Variants in CLDN14 observed in about 807,000 individuals in gnomAD.
CLDN14 encodes claudin 14.
CLDN14 carries 2 observed loss-of-function variants against 2.1 expected under a neutral mutation model. The observed-to-expected ratio is 0.96, with a 90% CI of 0.39 to 3.01. The LOEUF (loss-of-function observed/expected upper bound fraction) is 3.01, where lower values mean the gene tolerates loss of function less well. Ranked by LOEUF, CLDN14 falls within the 30% of genes most tolerant of loss-of-function variation. The pLI, the probability that CLDN14 is intolerant of heterozygous loss-of-function variation, is 0.09. For missense variants in CLDN14, 298 were observed against 328.0 expected (o/e 0.91, Z 0.71); for synonymous variants, 136 against 154.4 (o/e 0.88, Z 0.88).
At chr21:36,542,456 GC>G (rs1490219960) in intron 1 of CLDN14, 1 of 152,338 alleles carries the variant, frequency 6.6e-6, no homozygotes, top group East Asian at 1.9e-4. Flanking sequence ...GTGACTGACG[GC>G]CGGGGAGCCC....
At chr21:36,568,214 A>G (rs755339405) in intron 1 of CLDN14, among the ~76,000 whole-genome samples, 4 of 152,142 alleles carry the variant, frequency 2.6e-5, no homozygotes, top group Non-Finnish European at 5.9e-5. Context: ...GGTGGTGGAA[A>G]CGGAGCTGCT....
chr21:36,472,280 T>C (rs1455659415), intron 1 of CLDN14, among the ~76,000 whole-genome samples: 2 of 152,176 alleles, frequency 1.3e-5, no homozygotes, highest in East Asian at 1.9e-4. Flanking sequence ...AGTTTCTATA[T>C]TCAGGTGAGG....
intron 2 of CLDN14, among the ~76,000 whole-genome samples, chr21:36,496,338 G>C (rs2087017161): frequency 6.6e-6 from 1 of 151,120 alleles, no homozygotes; most frequent in Admixed American, 6.6e-5. Context: ...TTGGGAGGCT[G>C]AGGTGGAAGG....
In CLDN14 at chr21:36,498,557, C is replaced by G. The variant is rs1455043610; in HGVS notation, c.-82+11806G>C. On this transcript the variant is annotated intron_variant, in intron 2 of 2. Transcript: ENST00000342108. This position sits in a 1 kb window ranked among gnomAD's most constrained non-coding sequence, Gnocchi z 4.9. ...GATACATGCACTTAATATCAGCAGACTTGTTGTGAGTATAAGCCTCTATAA... is the reference window on the plus strand; with the variant it reads ...GATACATGCACTTAATATCAGCAGAGTTGTTGTGAGTATAAGCCTCTATAA... Among the ~76,000 whole-genome samples, 1 of 152,156 alleles carries G rather than the reference C, an allele frequency of 6.6e-6. No homozygotes were observed. Among genetic ancestry groups the G allele is most frequent in the Admixed American group, 6.5e-5 (1 of 15,276 alleles).
chr21:36,462,951 AC>A, intron 1 of CLDN14, among the ~76,000 whole-genome samples: 1 of 151,612 alleles, frequency 6.6e-6, no homozygotes, highest in Non-Finnish European at 1.5e-5. Flanking sequence ...ACAAAAAAAA[AC>A]ACTAGGAAAT....
intron 2 of CLDN14, among the ~76,000 whole-genome samples, chr21:36,488,484 A>G (rs59285877): frequency 0.036 from 5,492 of 152,074 alleles, 333 homozygotes; most frequent in East Asian, 0.29. Flanking sequence ...GTTGGCCAGG[A>G]TGATCTCAAT....
At chr21:36,485,118 T>G (rs531155650), upstream of CLDN14, among the ~76,000 whole-genome samples, 1 of 151,740 alleles carries the variant, frequency 6.6e-6, no homozygotes, top group Non-Finnish European at 1.5e-5. Flanking sequence ...GGCTTCAATA[T>G]GCATTTTGGG....
chr21:36,566,682 G>A (rs915082853), intron 1 of CLDN14, among the ~76,000 whole-genome samples: 6 of 152,172 alleles, frequency 3.9e-5, no homozygotes, highest in Non-Finnish European at 7.3e-5. Flanking sequence ...GCACCAGCAG[G>A]CTGCCATGTG....
At position 36,498,681 on chromosome 21, in the gene CLDN14, C is replaced by CTA. The variant is rs1406829965; in HGVS notation, c.-82+11681_-82+11682insTA. Among the ~76,000 whole-genome samples the CTA allele has an allele frequency of 3.3e-5, 5 of 152,184 alleles. No homozygotes were observed. The East Asian group carries it at 9.6e-4, about 29-fold the overall frequency. ...TGGAAAAAATGAACATAGGATCTGG[C>CTA]TGTGGCAGACAGCAGCCTACAGAAA... On this transcript the variant is annotated intron_variant, in intron 2 of 2. Coordinates refer to the CLDN14 transcript ENST00000342108. The surrounding 1 kb of genome is among the most constrained non-coding windows in gnomAD (Gnocchi z 4.9).
intron 1 of CLDN14, among the ~76,000 whole-genome samples, chr21:36,568,828 G>A (rs1017287943): frequency 2.6e-5 from 4 of 152,236 alleles, no homozygotes; most frequent in African/African-American, 9.6e-5. Flanking sequence ...GACTGGGGCT[G>A]TCAGTATGAT....
intron 1 of CLDN14, among the ~76,000 whole-genome samples, chr21:36,569,809 A>G (rs2087696254): frequency 6.6e-6 from 1 of 152,220 alleles, no homozygotes; most frequent in Admixed American, 6.5e-5. Flanking sequence ...CCTGGCACTG[A>G]TGTGATACAA....
intron 1 of CLDN14, among the ~76,000 whole-genome samples, chr21:36,541,690 T>G (rs1436122210): frequency 6.6e-6 from 1 of 152,190 alleles, no homozygotes; most frequent in Non-Finnish European, 1.5e-5. Context: ...GATTTCTGTA[T>G]AAAACCTAAA....
chr21:36,562,138 T>C (rs922004205), intron 1 of CLDN14, among the ~76,000 whole-genome samples: 1 of 152,194 alleles, frequency 6.6e-6, no homozygotes, highest in African/African-American at 2.4e-5. Context: ...TAATGTGTAT[T>C]CATAGGGGTA....
intron 2 of CLDN14, chr21:36,486,720 C>G: frequency 9.1e-7 from 1 of 1,095,356 alleles, no homozygotes; most frequent in Non-Finnish European, 1.4e-6. Context: ...AGGAATTTAG[C>G]CAGTTTCACC....
chr21:36,560,935 T>C (rs1568881895), intron 1 of CLDN14, among the ~76,000 whole-genome samples: 1 of 152,232 alleles, frequency 6.6e-6, no homozygotes, highest in Non-Finnish European at 1.5e-5. Context: ...TTCTAACCAG[T>C]TGCAGATACT....
chr21:36,569,750 G>T (rs751045016), intron 1 of CLDN14, among the ~76,000 whole-genome samples: 1 of 152,180 alleles, frequency 6.6e-6, no homozygotes, highest in Non-Finnish European at 1.5e-5. Flanking sequence ...AGAGCCATGG[G>T]CAGCCTCCCA....
In CLDN14 at chr21:36,517,352, TTTA is replaced by T. The variant is rs532722706; in HGVS notation, c.-219-6855_-219-6853del. On this transcript the variant is annotated intron_variant, in intron 1 of 2. Transcript: ENST00000342108. ...CCATAGAGTCCCAAAGCCTAAAACA[TTTA>T]TTGTCTGGCCCTTTACAGTAAAAGT... 4.5e-3 allele frequency among the ~76,000 whole-genome samples: 682 copies of T among 152,296 alleles called. 3 individuals carry two copies. The highest frequency in any genetic ancestry group is 0.016 in the African/African-American group (657 of 41,558).
At position 36,499,560 on chromosome 21, in the gene CLDN14, C is replaced by T. The variant is rs1030511586; in HGVS notation, c.-82+10803G>A. Among the ~76,000 whole-genome samples, 4 of 152,054 alleles carry T rather than the reference C, an allele frequency of 2.6e-5. No homozygotes were observed. The highest frequency in any genetic ancestry group is 2.1e-4 in the South Asian group (1 of 4,818). On this transcript the variant is annotated intron_variant, in intron 2 of 2. Transcript: ENST00000342108. This position sits in a 1 kb window ranked among gnomAD's most constrained non-coding sequence, Gnocchi z 4.7. The stretch of plus-strand genomic sequence containing the variant: ...GTTGCAGGGGGCTTGTTGCAATGTC[C>T]GTACCAGGGCCCCAACCCAGACCTA...
chr21:36,465,760 C>T (rs1046619989), intron 1 of CLDN14, among the ~76,000 whole-genome samples: 47 of 152,324 alleles, frequency 3.1e-4, no homozygotes, highest in African/African-American at 9.4e-4. Context: ...CCTGCAGCCA[C>T]GTGTGTGCAT....
Sources: allele counts gnomAD v4.1 joint callset (sites outside exome capture counted in the v4.1 genomes callset), GRCh38; gene constraint gnomAD v4.1.1; non-coding constraint Gnocchi (gnomAD v3.1); transcripts MANE v1.5; gene names NCBI Gene and HGNC (gene_info 2026-07-23, HGNC 2026-07-21).